DZANK1: variants seen among roughly 807,000 people sequenced by gnomAD.
DZANK1 encodes double zinc ribbon and ankyrin repeat-containing protein 1.
Under a neutral mutation model 94.5 loss-of-function variants are expected in DZANK1, and 91 were observed. The observed-to-expected ratio is 0.96, with a 90% confidence interval of 0.81 to 1.15. DZANK1 has a LOEUF of 1.15. DZANK1 is among the 50% of genes most tolerant of loss of function. DZANK1 has a pLI of 0.00. For missense variants in DZANK1, 903 were observed against 916.4 expected (o/e 0.99, Z 0.19); for synonymous variants, 312 against 325.3 (o/e 0.96, Z 0.44).
chr20:18,443,446 G>A, exon 8 of DZANK1: 1 of 1,490,210 alleles, frequency 6.7e-7, no homozygotes, highest in Non-Finnish European at 8.9e-7. Context: ...ATGGCCGGGG[G>A]GCAAGGCAGT....
intron 8 of DZANK1, among the ~76,000 whole-genome samples, chr20:18,440,601 T>C (rs1280984625): frequency 6.6e-6 from 1 of 152,058 alleles, no homozygotes; most frequent in Non-Finnish European, 1.5e-5. Flanking sequence ...CAACAGGTGG[T>C]TGTGATGGGT....
chr20:18,452,836 C>G, intron 5 of DZANK1, 97 bp from the exon 6 acceptor site: 1 of 1,217,574 alleles, frequency 8.2e-7, no homozygotes, highest in Non-Finnish European at 1.1e-6. Context: ...AATAAAGAAC[C>G]ACTGTCACCA....
chr20:18,422,306 C>A (rs2057819584), intron 10 of DZANK1, among the ~76,000 whole-genome samples: 1 of 152,098 alleles, frequency 6.6e-6, no homozygotes, highest in African/African-American at 2.4e-5. Context: ...CTATCCTTTC[C>A]CCATTGTGTG....
intron 9 of DZANK1, among the ~76,000 whole-genome samples, chr20:18,429,351 T>C (rs764871788): frequency 6.6e-6 from 1 of 152,240 alleles, no homozygotes; most frequent in Non-Finnish European, 1.5e-5. Flanking sequence ...CTCATAACTT[T>C]GCCCAGTGCA....
chr20:18,443,916 T>G (rs2058793003), intron 7 of DZANK1, among the ~76,000 whole-genome samples: 1 of 152,198 alleles, frequency 6.6e-6, no homozygotes, highest in African/African-American at 2.4e-5. Flanking sequence ...CCTTTCTCTT[T>G]GCCCACCTTT....
At chr20:18,463,790 C>T (rs2059553548) in intron 2 of DZANK1, among the ~76,000 whole-genome samples, 2 of 152,076 alleles carry the variant, frequency 1.3e-5, no homozygotes, top group Non-Finnish European at 2.9e-5. Flanking sequence ...TTAGTTAGAA[C>T]TCTTGGTCTA....
At chr20:18,456,682 C>A (rs903203228) in intron 3 of DZANK1, among the ~76,000 whole-genome samples, 2 of 143,676 alleles carry the variant, frequency 1.4e-5, no homozygotes, top group East Asian at 2.1e-4. Context: ...GGTCATCTTA[C>A]GTGTCTGGAT....
At chr20:18,466,344 G>A (rs942790440) in intron 1 of DZANK1, among the ~76,000 whole-genome samples, 1 of 152,188 alleles carries the variant, frequency 6.6e-6, no homozygotes, top group African/African-American at 2.4e-5. Context: ...AGTTTTGCCT[G>A]TTGCAGTTCT....
intron 10 of DZANK1, among the ~76,000 whole-genome samples, chr20:18,416,351 A>G (rs1204928586): frequency 6.6e-6 from 1 of 152,210 alleles, no homozygotes; most frequent in African/African-American, 2.4e-5. Context: ...TCCACCGGCC[A>G]GCTTCCTTCC....
At position 18,464,118 on chromosome 20, in the gene DZANK1, G is replaced by C. The variant is rs977388309; in HGVS notation, c.109+1132C>G. Among the ~76,000 whole-genome samples, 5 of 150,420 alleles carry C rather than the reference G, an allele frequency of 3.3e-5. No homozygotes were observed. The Admixed American group carries it at 3.3e-4, about 10-fold the overall frequency. On this transcript the variant is annotated intron_variant, in intron 2 of 20. Transcript: ENST00000262547. ...AGATGGAGTCTTGTTCTGTCTCCCA[G>C]GCTGGAGTACAGTGGCGCCATCTCG... is the stretch of plus-strand genomic sequence containing the variant.
chr20:18,455,407 A>AT (rs760468666), intron 3 of DZANK1, 46 bp from the exon 4 acceptor site: 2 of 1,382,406 alleles, frequency 1.4e-6, no homozygotes, highest in Non-Finnish European at 2.0e-6. Context: ...TTACACAAAG[A>AT]TTTTTTAAAA....
chr20:18,446,794 T>C (rs1404224081), intron 7 of DZANK1, among the ~76,000 whole-genome samples: 1 of 152,186 alleles, frequency 6.6e-6, no homozygotes, highest in Non-Finnish European at 1.5e-5. Context: ...TTACATAAAC[T>C]TTTTCAGAAG....
intron 5 of DZANK1, 54 bp from the exon 6 acceptor site, chr20:18,452,793 A>G: frequency 6.7e-7 from 1 of 1,488,012 alleles, no homozygotes; most frequent in Non-Finnish European, 9.0e-7. Context: ...ATACATAATC[A>G]TACAAAGATA....
At chr20:18,404,138 A>G (rs75455395) in intron 13 of DZANK1, among the ~76,000 whole-genome samples, 3 of 149,164 alleles carry the variant, frequency 2.0e-5, no homozygotes, top group Admixed American at 2.0e-4. Context: ...TTTTTTTTTT[A>G]GCTCAACAGC....
At chr20:18,457,125 T>G (rs2059318584) in intron 3 of DZANK1, among the ~76,000 whole-genome samples, 1 of 152,236 alleles carries the variant, frequency 6.6e-6, no homozygotes, top group African/African-American at 2.4e-5. Flanking sequence ...TGCTTGATAC[T>G]TGTCCCTTGT....
rs1286079446 is a variant in DZANK1, at chr20:18,441,978, C to A, written c.747+1369G>T. On this transcript the variant is annotated intron_variant, in intron 8 of 20. Coordinates refer to ENST00000262547, the Ensembl canonical transcript of DZANK1. This position sits in a 1 kb window ranked among gnomAD's most constrained non-coding sequence, Gnocchi z 4.1. ...AGCAAAGAGACAGGAGAGCACACACCTCTGCATCTCTTTACTGAGACTCTC... is the reference window on the plus strand; with the variant it reads ...AGCAAAGAGACAGGAGAGCACACACATCTGCATCTCTTTACTGAGACTCTC... 6.6e-6 allele frequency among the ~76,000 whole-genome samples: 1 copy of A among 152,196 alleles called. No individual in the cohort carries two copies. The highest frequency in any genetic ancestry group is 1.5e-5 in the Non-Finnish European group (1 of 68,036).
chr20:18,391,670 C>T (rs543934434), intron 17 of DZANK1, among the ~76,000 whole-genome samples: 3 of 152,304 alleles, frequency 2.0e-5, no homozygotes, highest in Non-Finnish European at 2.9e-5. Flanking sequence ...CTCTGGATCC[C>T]GGGCATGGCT....
At chr20:18,393,832 A>G (rs774885909) in intron 16 of DZANK1, 21 bp from the exon 17 acceptor site, 9 of 1,507,432 alleles carry the variant, frequency 6.0e-6, no homozygotes, top group Non-Finnish European at 7.3e-6. Context: ...ACAGTTGGGG[A>G]AAAAAATGAT....
At chr20:18,435,600 G>C (rs552697650) in intron 8 of DZANK1, among the ~76,000 whole-genome samples, 14 of 152,164 alleles carry the variant, frequency 9.2e-5, no homozygotes, top group South Asian at 6.2e-4. Context: ...TGTCGGGGGT[G>C]GGGGGCAAGA....
Sources: allele counts gnomAD v4.1 joint callset (sites outside exome capture counted in the v4.1 genomes callset), GRCh38; gene constraint gnomAD v4.1.1; non-coding constraint Gnocchi (gnomAD v3.1); transcripts MANE v1.5; gene names NCBI Gene and HGNC (gene_info 2026-07-23, HGNC 2026-07-21).